PCGF3: variants seen among roughly 807,000 people sequenced by gnomAD.
PCGF3 encodes the protein polycomb group RING finger protein 3.
Under a neutral mutation model 33.1 loss-of-function variants are expected in PCGF3, and 7 were observed. That is an observed-to-expected ratio of 0.21 (90% CI 0.12 to 0.40). The LOEUF (loss-of-function observed/expected upper bound fraction) is 0.40. Ranked by LOEUF, PCGF3 falls within the 10% of genes least tolerant of loss-of-function variation. PCGF3 has a pLI of 1.00. For missense variants in PCGF3, 211 were observed against 313.3 expected (o/e 0.67, Z 2.46); for synonymous variants, 153 against 121.3 (o/e 1.26, Z -1.72).
At chr4:710,065 G>A (rs535912655) in intron 1 of PCGF3, among the ~76,000 whole-genome samples, 7 of 152,294 alleles carry the variant, frequency 4.6e-5, no homozygotes, top group South Asian at 2.1e-4. Context: ...TTTTTAGGCC[G>A]TGCTGAGTGG....
At chr4:736,749 C>T (rs113586297) in intron 5 of PCGF3, among the ~76,000 whole-genome samples, 423 of 110,234 alleles carry the variant, frequency 3.8e-3, no homozygotes, top group Middle Eastern at 0.015. Context: ...GCGGGGAACC[C>T]GGGGTGTCCG....
chr4:730,852 C>T lies in PCGF3; in HGVS notation c.-150-118C>T, dbSNP rs532251917. ...TCTCCCGGTCAGTACTTCTGATTGA[C>T]CCCATTCCGCCCTTTGCTCGGTAGG... On this transcript the variant is annotated intron_variant, in intron 2 of 10. Coordinates refer to ENST00000362003, the Ensembl canonical transcript of PCGF3. The T allele has an allele frequency of 1.7e-4, 66 of 395,868 alleles. No individual in the cohort carries two copies. In the South Asian group the frequency reaches 5.7e-3, roughly 34 times the overall value. 24.5% of individuals were successfully genotyped at this position (395,868 alleles called of 1,614,324 possible).
chr4:756,733 G>A (rs759726675), intron 8 of PCGF3, among the ~76,000 whole-genome samples: 2 of 152,050 alleles, frequency 1.3e-5, no homozygotes, highest in Non-Finnish European at 2.9e-5. Flanking sequence ...ATCATCTCCA[G>A]AGCCTTTTTA....
intron 1 of PCGF3, among the ~76,000 whole-genome samples, chr4:729,834 CACAG>C (rs1743478653): frequency 6.6e-6 from 1 of 152,182 alleles, no homozygotes; most frequent in African/African-American, 2.4e-5. Flanking sequence ...GTCACTAAGC[CACAG>C]ACACTGTACG....
At chr4:752,054 A>G (rs750505470) in intron 8 of PCGF3, among the ~76,000 whole-genome samples, 11 of 152,286 alleles carry the variant, frequency 7.2e-5, no homozygotes, top group Non-Finnish European at 1.5e-4. Flanking sequence ...TAAACCAAAA[A>G]TACTTGACGG....
At chr4:744,563 G>T in intron 7 of PCGF3, 37 bp from the exon 8 acceptor site, 1 of 1,459,462 alleles carries the variant, frequency 6.9e-7, no homozygotes, top group Non-Finnish European at 9.4e-7. Flanking sequence ...TGACAGTTTG[G>T]ATTTCATGGT....
intron 1 of PCGF3, among the ~76,000 whole-genome samples, chr4:713,562 C>CTGTGGCCTA (rs1742677360): frequency 1.3e-5 from 1 of 79,350 alleles, no homozygotes; most frequent in African/African-American, 3.9e-5. Context: ...GCTGTGGCCT[C>CTGTGGCCTA]ATGGATCCTG....
intron 8 of PCGF3, among the ~76,000 whole-genome samples, chr4:760,653 C>T (rs1370029914): frequency 6.6e-6 from 1 of 152,250 alleles, no homozygotes; most frequent in African/African-American, 2.4e-5. Flanking sequence ...TTGCCGTGAG[C>T]GTCGCCCTTC....
At chr4:733,553 C>T in intron 3 of PCGF3, 119 bp from the exon 4 acceptor site, 1 of 1,013,696 alleles carries the variant, frequency 9.9e-7, no homozygotes, top group Non-Finnish European at 1.4e-6. Context: ...CCAAGAGGCT[C>T]CTGCCACCCA....
chr4:715,039 G>A (rs369560645), intron 1 of PCGF3, among the ~76,000 whole-genome samples: 1,292 of 105,482 alleles, frequency 0.012, no homozygotes, highest in South Asian at 0.019. Context: ...ACTGGGCGTC[G>A]GTGCTGGGAC....
At chr4:751,759 C>T (rs888016219) in intron 8 of PCGF3, among the ~76,000 whole-genome samples, 3 of 152,248 alleles carry the variant, frequency 2.0e-5, no homozygotes, top group Admixed American at 1.3e-4. Flanking sequence ...CTGGCCCTCC[C>T]ACCCCTGGCT....
intron 8 of PCGF3, among the ~76,000 whole-genome samples, chr4:758,165 CAAAAAAAAAAAAAA>C (rs61081270): frequency 3.6e-5 from 2 of 54,920 alleles, no homozygotes; most frequent in Non-Finnish European, 6.6e-5. Context: ...GACTCTGTCT[CAAAAAAAAAAAAAA>C]AAAAAAAAAA....
Position 763,368 on chromosome 4 carries a change from A to C in PCGF3, c.601-1616A>C, listed in dbSNP as rs1371674464. 2.0e-5 allele frequency among the ~76,000 whole-genome samples: 3 copies of C among 152,066 alleles called. No homozygotes were observed. In the South Asian group the frequency reaches 6.2e-4, roughly 32 times the overall value. On this transcript the variant is annotated intron_variant, in intron 9 of 10. Coordinates refer to ENST00000362003, the Ensembl canonical transcript of PCGF3. Reference sequence around the variant, plus strand: ...TTCCCAGCGCAGGGCTGGTTCCTCCAGGGAAGAGTGTGAGGTTTGCGCTGC... The same window carrying C: ...TTCCCAGCGCAGGGCTGGTTCCTCCCGGGAAGAGTGTGAGGTTTGCGCTGC...
rs201359627 is a variant in PCGF3 at position 711,443 on chromosome 4, C to CTTTTT, written c.-190+5479_-190+5483dup. The stretch of plus-strand genomic sequence containing the variant: ...AATTGAAGTTGAAAATGTAATTTTT[C>CTTTTT]TTTTTTTTTTCTTTTTTTTTTTTTT... On this transcript the variant is annotated intron_variant, in intron 1 of 10. Transcript: ENST00000362003. Among the ~76,000 whole-genome samples, 219 of 122,880 alleles carry CTTTTT rather than the reference C, an allele frequency of 1.8e-3. 12 individuals are homozygous for CTTTTT. Among genetic ancestry groups the CTTTTT allele is most frequent in the African/African-American group, 2.8e-3 (99 of 35,178 alleles). The allele number at this position is 122,880 out of a possible 152,430, so 80.6% of individuals were successfully genotyped here. A position where few individuals can be genotyped will look rare whatever the true frequency, so the allele number is the denominator to read the frequency against.
At position 734,611 on chromosome 4, in the gene PCGF3, T is replaced by C. The variant is rs934472414; in HGVS notation, c.110-320T>C. On this transcript the variant is annotated intron_variant, in intron 4 of 10. Coordinates refer to ENST00000362003, the Ensembl canonical transcript of PCGF3. ...TTTAGGACAAAGTATTGTAAAATTATCTGTTTTAGCCCATGTTCTGATGAC... is the reference window on the plus strand; with the variant it reads ...TTTAGGACAAAGTATTGTAAAATTACCTGTTTTAGCCCATGTTCTGATGAC... The C allele has an allele frequency of 9.3e-6, 11 of 1,185,632 alleles. No individual in the cohort carries two copies. In the Admixed American group the frequency reaches 1.7e-4, roughly 18 times the overall value. The allele number at this position is 1,185,632 out of a possible 1,614,324, so 73.4% of individuals were successfully genotyped here. A position where few individuals can be genotyped will look rare whatever the true frequency, so the allele number is the denominator to read the frequency against.
exon 11 of PCGF3, chr4:766,214 G>A (rs1414412397): frequency 6.0e-6 from 4 of 670,790 alleles, no homozygotes; most frequent in Non-Finnish European, 1.0e-5. Flanking sequence ...TTTTGTATGA[G>A]AGAGAATTCA....
At chr4:706,149 A>G (rs1416397330) in intron 1 of PCGF3, among the ~76,000 whole-genome samples, 179 bp downstream of exon 1, 1 of 151,914 alleles carries the variant, frequency 6.6e-6, no homozygotes, top group East Asian at 1.9e-4. Context: ...CCCAGTCAGG[A>G]CTCCGGGAGG....
chr4:740,323 G>A (rs1321605608), intron 6 of PCGF3, among the ~76,000 whole-genome samples: 1 of 152,270 alleles, frequency 6.6e-6, no homozygotes, highest in African/African-American at 2.4e-5. Context: ...TTCCCTGCTA[G>A]ATCAGAGGTG....
chr4:707,914 G>T (rs1317209710), intron 1 of PCGF3, among the ~76,000 whole-genome samples: 1 of 115,534 alleles, frequency 8.7e-6, no homozygotes, highest in Non-Finnish European at 1.9e-5. Flanking sequence ...TTCCCCTGGG[G>T]GTCGGGACCC....
Sources: gnomAD v4.1 joint callset for allele counts (sites outside exome capture counted in the v4.1 genomes callset) on GRCh38, gnomAD v4.1.1 for gene constraint, MANE v1.5 for transcripts, NCBI Gene and HGNC (gene_info 2026-07-23, HGNC 2026-07-21) for gene names.